Variants in CES5A observed in about 807,000 individuals in gnomAD.
CES5A encodes the protein carboxylesterase 5A, also known as carboxylesterase 5.
Under a neutral mutation model 62.9 loss-of-function variants are expected in CES5A, and 67 were observed. That is an observed-to-expected ratio of 1.07 (90% CI 0.88 to 1.31). CES5A has a LOEUF of 1.31. Ranked by LOEUF, CES5A falls within the 50% of genes most tolerant of loss-of-function variation. The pLI is 0.00. For synonymous variants in CES5A, 296 were observed against 280.8 expected, an observed-to-expected ratio of 1.05 and a Z score of -0.54; for missense variants, 748 against 708.5, an observed-to-expected ratio of 1.06 and a Z score of -0.63.
chr16:55,895,731 C>A (rs1209576193), intron 1 of CES5A, among the ~76,000 whole-genome samples: 5 of 152,130 alleles, frequency 3.3e-5, no homozygotes, highest in African/African-American at 7.2e-5. Context: ...TTGTATTTTA[C>A]ACGTGAGAAG....
In CES5A at chr16:55,852,972, G is replaced by C; in HGVS notation, c.1182C>G (p.His394Gln). 6.2e-7 allele frequency: 1 copy of C among 1,614,176 alleles called. No individual in the cohort carries two copies. Among genetic ancestry groups the C allele is most frequent in the Non-Finnish European group, 8.5e-7 (1 of 1,180,008 alleles). The change falls in exon 10 of 13, where the codon CAC becomes CAG. Residue 394 changes from histidine (H) to glutamine (Q), a missense_variant. Transcript: ENST00000290567. ...GACTGTCTCGGATTTCAGTCAGGGAGTGCTTGTCATGGAAGTATTCATTAG... is the reference window on the plus strand; with the variant it reads ...GACTGTCTCGGATTTCAGTCAGGGACTGCTTGTCATGGAAGTATTCATTAG... ...LVANEYFHDK[H>Q]SLTEIRDSLL...
At position 55,849,752 on chromosome 16, in the gene CES5A, A is replaced by T; in HGVS notation, c.1295T>A (p.Phe432Tyr). 2 of 1,613,972 alleles carry T rather than the reference A, an allele frequency of 1.2e-6. No homozygotes were observed. The highest frequency in any genetic ancestry group is 1.7e-6 in the Non-Finnish European group (2 of 1,179,890). ...YHRDAGAPVYFYEFRHRPQCF... is the reference protein window; with the variant it reads ...YHRDAGAPVYYYEFRHRPQCF... ...CTGAGGCCGGTGCCGAAACTCATAGAAGTAGACAGGTGCACCAGCATCTGA... is the reference window on the plus strand; with the variant it reads ...CTGAGGCCGGTGCCGAAACTCATAGTAGTAGACAGGTGCACCAGCATCTGA... Residue 432 changes from phenylalanine to tyrosine, a missense_variant, in exon 11 of 13, where the codon TTC (phenylalanine) becomes TAC (tyrosine). Coordinates refer to ENST00000290567, the MANE Select transcript of CES5A (RefSeq NM_001143685.2).
At chr16:55,899,231 A>G (rs1261598734) in intron 1 of CES5A, among the ~76,000 whole-genome samples, 2 of 152,208 alleles carry the variant, frequency 1.3e-5, no homozygotes, top group African/African-American at 4.8e-5. Context: ...TCTGATTGGT[A>G]GCACAGAATG....
At chr16:55,891,060 A>T (rs1254628046) in intron 1 of CES5A, among the ~76,000 whole-genome samples, 1 of 151,694 alleles carries the variant, frequency 6.6e-6, no homozygotes, top group Non-Finnish European at 1.5e-5. Flanking sequence ...CATTCCAATT[A>T]CCTGCTCATT....
chr16:55,895,758 A>G (rs563401814), intron 1 of CES5A, among the ~76,000 whole-genome samples: 1 of 152,264 alleles, frequency 6.6e-6, no homozygotes, highest in Non-Finnish European at 1.5e-5. Context: ...AGTTTGGGGG[A>G]TCCAGAAGTG....
At chr16:55,873,339 A>G (rs1436711816) in intron 2 of CES5A, among the ~76,000 whole-genome samples, 1 of 152,082 alleles carries the variant, frequency 6.6e-6, no homozygotes, top group Non-Finnish European at 1.5e-5. Flanking sequence ...TGGACTAGGT[A>G]TTGCATCAGG....
chr16:55,901,978 G>A (rs1482853394), intron 1 of CES5A, among the ~76,000 whole-genome samples: 9 of 152,166 alleles, frequency 5.9e-5, no homozygotes, highest in African/African-American at 2.2e-4. Flanking sequence ...GGGAAGGATC[G>A]CAGCCTTGGT....
intron 1 of CES5A, among the ~76,000 whole-genome samples, chr16:55,916,916 T>C (rs2034153215): frequency 6.6e-6 from 1 of 152,172 alleles, no homozygotes; most frequent in Non-Finnish European, 1.5e-5. Flanking sequence ...TTCTCAGAGG[T>C]ATTCACCTTA....
intron 4 of CES5A, chr16:55,869,390 A>C: frequency 1.3e-6 from 1 of 770,318 alleles, no homozygotes; most frequent in South Asian, 2.7e-5. Flanking sequence ...AGGGATGCTC[A>C]ATTAAACTTT....
At chr16:55,869,865 G>A (rs2033547531) in intron 3 of CES5A, 121 bp from the exon 4 acceptor site, 7 of 1,372,880 alleles carry the variant, frequency 5.1e-6, no homozygotes, top group South Asian at 1.6e-5. Flanking sequence ...CAGGGTGCGA[G>A]GTTTTGTCAT....
chr16:55,898,678 G>T (rs1219149402), intron 1 of CES5A, among the ~76,000 whole-genome samples: 1 of 152,172 alleles, frequency 6.6e-6, no homozygotes, highest in Admixed American at 6.5e-5. Flanking sequence ...CCTCATAAAG[G>T]GATGCATCCC....
In CES5A at chr16:55,895,608, A is replaced by G. The variant is rs1214135044; in HGVS notation, c.-255-21571T>C. 2.0e-5 allele frequency among the ~76,000 whole-genome samples: 3 copies of G among 152,222 alleles called. No homozygotes were observed. In the South Asian group the frequency reaches 6.2e-4, roughly 32 times the overall value. On this transcript the variant is annotated intron_variant, in intron 1 of 12. Transcript: ENST00000518005. ...TACCATTGTTATCTTGGAAGCAAAT[A>G]ACCTGTTGCTTTTTTTGTTTGTTTG...
At chr16:55,883,091 T>C (rs556040902) in intron 1 of CES5A, among the ~76,000 whole-genome samples, 429 of 152,322 alleles carry the variant, frequency 2.8e-3, no homozygotes, top group Non-Finnish European at 4.8e-3. Flanking sequence ...CTTATTCACC[T>C]GCTCAAGCAG....
Position 55,875,289 on chromosome 16 carries a change from G to T in CES5A, c.-68C>A. On this transcript the variant is annotated 5_prime_UTR_variant, in exon 1 of 13. Coordinates refer to ENST00000290567, the MANE Select transcript of CES5A (RefSeq NM_001143685.2). ...TGGCCTCAGAGAGCTTCAGTTGGGA[G>T]CCAGAAAGAGCTTCCTGTTAACAGG... 1 of 1,577,824 alleles carries T rather than the reference G, an allele frequency of 6.3e-7. No individual in the cohort carries two copies. Among genetic ancestry groups the T allele is most frequent in the East Asian group, 2.3e-5 (1 of 44,290 alleles).
upstream of CES5A, among the ~76,000 whole-genome samples, chr16:55,876,282 T>C (rs148303195): frequency 7.8e-3 from 1,191 of 152,334 alleles, 7 homozygotes; most frequent in Non-Finnish European, 0.013. Context: ...TTGACATTTT[T>C]TAAAAGCTGT....
chr16:55,880,711 G>A (rs2033752914), intron 1 of CES5A, among the ~76,000 whole-genome samples: 1 of 152,204 alleles, frequency 6.6e-6, no homozygotes, highest in African/African-American at 2.4e-5. Flanking sequence ...ATTAACACTA[G>A]CACCTCTAGG....
chr16:55,930,540 C>G (rs1381713519), intron 2 of CES5A, among the ~76,000 whole-genome samples: 1 of 152,176 alleles, frequency 6.6e-6, no homozygotes, highest in African/African-American at 2.4e-5. Flanking sequence ...ATGCCTTGTG[C>G]CACCTTGGGA....
At chr16:55,917,981 T>G (rs1746704272) in intron 1 of CES5A, among the ~76,000 whole-genome samples, 1 of 152,178 alleles carries the variant, frequency 6.6e-6, no homozygotes, top group African/African-American at 2.4e-5. Context: ...CCCTATTGCA[T>G]GGTTCTGGGA....
At chr16:55,953,597 T>C (rs1358894214) in intron 1 of CES5A, among the ~76,000 whole-genome samples, 1 of 152,194 alleles carries the variant, frequency 6.6e-6, no homozygotes, top group African/African-American at 2.4e-5. Flanking sequence ...ATAAGAAATG[T>C]CAGCAGAAGT....
Sources: gnomAD v4.1 joint callset for allele counts (sites outside exome capture counted in the v4.1 genomes callset) on GRCh38, gnomAD v4.1.1 for gene constraint, MANE v1.5 for transcripts, NCBI Gene and HGNC (gene_info 2026-07-23, HGNC 2026-07-21) for gene names.